GIP: variants seen among roughly 807,000 people sequenced by gnomAD.
GIP encodes gastric inhibitory polypeptide, also known as glucose-dependent insulinotropic polypeptide.
A neutral mutation model predicts 18.1 loss-of-function variants in GIP; 16 were observed. The observed-to-expected ratio is 0.88, with a 90% CI of 0.60 to 1.34. The LOEUF (loss-of-function observed/expected upper bound fraction) is 1.34. Among genes scored for constraint, GIP ranks in the 40% most tolerant of loss-of-function variants. The pLI is 0.00. For synonymous variants in GIP, 76 were observed against 74.0 expected (o/e 1.03, Z -0.14); for missense variants, 192 against 183.4 (o/e 1.05, Z -0.27).
At chr17:48,967,004 C>T (rs2041238895) in intron 2 of GIP, 143 bp downstream of exon 2, 7 of 630,392 alleles carry the variant, frequency 1.1e-5, no homozygotes, top group Middle Eastern at 2.6e-4. Flanking sequence ...TTTGCACTCA[C>T]GCTGCCGGCA....
At chr17:48,967,844 G>A (rs1393776482) in intron 1 of GIP, among the ~76,000 whole-genome samples, 1 of 149,626 alleles carries the variant, frequency 6.7e-6, no homozygotes, top group African/African-American at 2.4e-5. Context: ...TTGAGGTCAG[G>A]AGTTTGAGAC....
In GIP at chr17:48,966,119, G is replaced by A. The variant is rs1238426148; in HGVS notation, c.86+1028C>T. Among the ~76,000 whole-genome samples the A allele has an allele frequency of 9.2e-5, 14 of 152,116 alleles. No homozygotes were observed. In the South Asian group the frequency reaches 2.1e-3, roughly 23 times the overall value. On this transcript the variant is annotated intron_variant, in intron 2 of 5. Coordinates refer to ENST00000357424, the MANE Select transcript of GIP (RefSeq NM_004123.3). ...CTAAAAATACAAAAGTTAGCCGGGC[G>A]TGGTGGCAGGTGCCTGTAATCCCAG... is the stretch of plus-strand genomic sequence containing the variant.
At chr17:48,966,033 G>C (rs928709022) in intron 2 of GIP, among the ~76,000 whole-genome samples, 1 of 152,030 alleles carries the variant, frequency 6.6e-6, no homozygotes, top group Admixed American at 6.6e-5. Flanking sequence ...GTCCAAGCAG[G>C]TGGATCACGA....
At chr17:48,966,763 G>C (rs144429207) in intron 2 of GIP, among the ~76,000 whole-genome samples, 1,689 of 151,860 alleles carry the variant, frequency 0.011, 40 homozygotes, top group African/African-American at 0.038. Context: ...CTGCGATCAC[G>C]CCACTGCACT....
chr17:48,965,025 G>GCTA (rs2041227710), intron 2 of GIP, among the ~76,000 whole-genome samples: 1 of 151,486 alleles, frequency 6.6e-6, no homozygotes, highest in South Asian at 2.1e-4. Context: ...TGTAGCCCCG[G>GCTA]CTACTCGGGA....
At chr17:48,968,263 T>G (rs975771911) in intron 1 of GIP, among the ~76,000 whole-genome samples, 1 of 151,964 alleles carries the variant, frequency 6.6e-6, no homozygotes, top group East Asian at 1.9e-4. Flanking sequence ...CAGCTAATTT[T>G]TTAAATTATG....
rs7218816 is a variant in GIP at position 48,960,436 on chromosome 17, T to G, written c.452+450A>C. 3.3e-3 allele frequency among the ~76,000 whole-genome samples: 139 copies of G among 42,214 alleles called. 1 individual carries two copies. The highest frequency in any genetic ancestry group is 5.0e-3 in the Admixed American group (16 of 3,210). 27.7% of individuals were successfully genotyped at this position (42,214 alleles called of 152,430 possible). On this transcript the variant is annotated intron_variant, in intron 5 of 5. Coordinates refer to ENST00000357424, the MANE Select transcript of GIP (RefSeq NM_004123.3). ...GCCACAGGATGGGCTCAGCTCTGTG[T>G]GTAGGGACAGGCGGGACACAGGATG...
At chr17:48,964,176 A>AT (rs1263359027) in intron 3 of GIP, 134 bp downstream of exon 3, 2 of 566,834 alleles carry the variant, frequency 3.5e-6, no homozygotes, top group African/African-American at 3.9e-5. Flanking sequence ...AAAAAAAAAA[A>AT]AGAAAAGAAA....
chr17:48,966,255 TAA>T (rs35523625), intron 2 of GIP, among the ~76,000 whole-genome samples: 27 of 123,264 alleles, frequency 2.2e-4, no homozygotes, highest in Admixed American at 2.6e-4. Context: ...AGACTCCAAT[TAA>T]AAAAAAAAAA....
At chr17:48,960,696 T>C (rs746548244) in intron 5 of GIP, among the ~76,000 whole-genome samples, 190 bp downstream of exon 5, 5 of 152,152 alleles carry the variant, frequency 3.3e-5, no homozygotes, top group Non-Finnish European at 5.9e-5. Context: ...TTTGTATTTT[T>C]CCACTTGCAT....
chr17:48,962,945 A>G (rs1010773708), intron 3 of GIP, among the ~76,000 whole-genome samples: 7 of 151,624 alleles, frequency 4.6e-5, no homozygotes, highest in Non-Finnish European at 1.0e-4. Context: ...TCTACTAAAA[A>G]AATGCAAAAA....
chr17:48,964,302 C>CGACT lies in GIP; in HGVS notation c.257+4_257+7dup. ...CAGGGAACAGGAGGAGTGTAAGCAG[C>CGACT]GACTCACTCATTCTTCTTCCCCTTT... On this transcript the variant is annotated splice_region_variant and intron_variant, in intron 3 of 5. Transcript: ENST00000357424. 1 of 1,609,898 alleles carries CGACT rather than the reference C, an allele frequency of 6.2e-7. No homozygotes were observed. The highest frequency in any genetic ancestry group is 1.1e-5 in the South Asian group (1 of 90,818).
chr17:48,962,509 C>T (rs1256807020), intron 3 of GIP, among the ~76,000 whole-genome samples: 1 of 152,130 alleles, frequency 6.6e-6, no homozygotes, highest in Non-Finnish European at 1.5e-5. Context: ...GCTGGAATTA[C>T]AGGCACGTGC....
At position 48,967,337 on chromosome 17, in the gene GIP, T is replaced by G. The variant is rs1039730065; in HGVS notation, c.-21-84A>C. On this transcript the variant is annotated intron_variant, in intron 1 of 5. Coordinates refer to ENST00000357424, the MANE Select transcript of GIP (RefSeq NM_004123.3). ...TGGAGAGGGGCAAAGCCCTGAGGTTTGGACCCTTTCTTTTCCTTTTTCTTT... is the reference window on the plus strand; with the variant it reads ...TGGAGAGGGGCAAAGCCCTGAGGTTGGGACCCTTTCTTTTCCTTTTTCTTT... 7.1e-5 allele frequency: 61 copies of G among 862,964 alleles called. 1 individual carries two copies. The Admixed American group carries it at 9.6e-4, about 14-fold the overall frequency. 53.5% of individuals were successfully genotyped at this position (862,964 alleles called of 1,614,324 possible). A position where few individuals can be genotyped will look rare whatever the true frequency, so the allele number is the denominator to read the frequency against.
intron 2 of GIP, among the ~76,000 whole-genome samples, chr17:48,965,561 C>T (rs997439124): frequency 1.4e-5 from 2 of 147,004 alleles, no homozygotes; most frequent in African/African-American, 5.1e-5. Context: ...TCGGAGATCG[C>T]GCCACTGCAC....
chr17:48,964,370 T>A lies in GIP; in HGVS notation c.197A>T (p.Asp66Val). The change falls in exon 3 of 6, where the codon GAC becomes GTC. Residue 66 changes from aspartate to valine, a missense_variant. Coordinates refer to ENST00000357424, the MANE Select transcript of GIP (RefSeq NM_004123.3). The stretch of plus-strand genomic sequence containing the variant: ...CACAAAGTCTTGTTGGTGAATCTTG[T>A]CCATGGCAATACTGTAGTCACTGAT... ...TFISDYSIAM[D>V]KIHQQDFVNW... 1.2e-6 allele frequency: 2 copies of A among 1,613,824 alleles called. No individual in the cohort carries two copies. The highest frequency in any genetic ancestry group is 1.1e-5 in the South Asian group (1 of 91,076).
intron 2 of GIP, among the ~76,000 whole-genome samples, chr17:48,965,135 T>C (rs2041228418): frequency 9.0e-5 from 1 of 11,084 alleles, no homozygotes; most frequent in Admixed American, 8.2e-4. Flanking sequence ...CGAGACTCCG[T>C]CTCAAAAAAA....
intron 2 of GIP, among the ~76,000 whole-genome samples, chr17:48,966,550 C>G (rs988827232): frequency 2.6e-5 from 4 of 151,184 alleles, no homozygotes; most frequent in African/African-American, 7.3e-5. Flanking sequence ...GAGCGAGACT[C>G]CATCCCCCCC....
Position 48,963,528 on chromosome 17 carries a change from C to T in GIP, c.257+782G>A, listed in dbSNP as rs551091137. ...AAAAAAAATTAGCCAGGTATGGTGGCGCGTACCTGTAGTCCCAGCTACTCA... is the reference window on the plus strand; with the variant it reads ...AAAAAAAATTAGCCAGGTATGGTGGTGCGTACCTGTAGTCCCAGCTACTCA... On this transcript the variant is annotated intron_variant, in intron 3 of 5. Transcript: ENST00000357424. Among the ~76,000 whole-genome samples, 13 of 150,992 alleles carry T rather than the reference C, an allele frequency of 8.6e-5. No individual in the cohort carries two copies. In the South Asian group the frequency reaches 2.1e-3, roughly 24 times the overall value.
Sources: gnomAD v4.1 joint callset for allele counts (sites outside exome capture counted in the v4.1 genomes callset) on GRCh38, gnomAD v4.1.1 for gene constraint, MANE v1.5 for transcripts, NCBI Gene and HGNC (gene_info 2026-07-23, HGNC 2026-07-21) for gene names.